HHAT: variants seen among roughly 807,000 people sequenced by gnomAD.
HHAT encodes hedgehog acyltransferase.
HHAT carries 47 observed loss-of-function variants against 70.8 expected under a neutral mutation model. The ratio of observed to expected loss-of-function variants is 0.66; its 90% CI spans 0.53 to 0.85. The LOEUF (loss-of-function observed/expected upper bound fraction) is 0.85, where lower values mean the gene tolerates loss of function less well. Among genes scored for constraint, HHAT ranks in the 40% least tolerant of loss-of-function variants. HHAT has a pLI of 0.00. For missense variants in HHAT, 609 were observed against 604.8 expected (o/e 1.01, Z -0.07); for synonymous variants, 228 against 247.6 (o/e 0.92, Z 0.74).
intron 3 of HHAT, among the ~76,000 whole-genome samples, chr1:210,368,943 T>C (rs1018693547): frequency 2.0e-5 from 3 of 152,064 alleles, no homozygotes; most frequent in Non-Finnish European, 4.4e-5. Flanking sequence ...CTGGATGTGG[T>C]GGCGGGTGCC....
chr1:210,396,168 T>C (rs531022862), intron 4 of HHAT, among the ~76,000 whole-genome samples: 1 of 152,296 alleles, frequency 6.6e-6, no homozygotes, highest in Admixed American at 6.5e-5. Flanking sequence ...ACTTTCTTAT[T>C]TTTCATCAGC....
chr1:210,427,120 A>C (rs905315080), intron 7 of HHAT, among the ~76,000 whole-genome samples: 2 of 151,682 alleles, frequency 1.3e-5, no homozygotes, highest in Admixed American at 6.6e-5. Context: ...TTCTAGTTTG[A>C]CATATTAATA....
At chr1:210,410,511 G>A (rs1027513599) in intron 6 of HHAT, among the ~76,000 whole-genome samples, 3 of 98,544 alleles carry the variant, frequency 3.0e-5, no homozygotes, top group Non-Finnish European at 6.9e-5. Context: ...TTGCTGTGTT[G>A]TTTATTTGTA....
At chr1:210,332,466 C>T (rs2085080471) in intron 1 of HHAT, among the ~76,000 whole-genome samples, 1 of 152,254 alleles carries the variant, frequency 6.6e-6, no homozygotes, top group Non-Finnish European at 1.5e-5. Context: ...ATCCTCTCTA[C>T]CAATTGTGCC....
chr1:210,401,174 G>A (rs1362449392), intron 5 of HHAT, among the ~76,000 whole-genome samples: 1 of 152,180 alleles, frequency 6.6e-6, no homozygotes, highest in Non-Finnish European at 1.5e-5. Context: ...AAGTGCAGTG[G>A]TGCGATCTTG....
chr1:210,607,346 G>A lies in HHAT; in HGVS notation c.1246-16180G>A, dbSNP rs539520842. Among the ~76,000 whole-genome samples the A allele has an allele frequency of 7.5e-5, 11 of 147,634 alleles. 1 individual carries two copies. In the South Asian group the frequency reaches 1.8e-3, roughly 25 times the overall value. On this transcript the variant is annotated intron_variant, in intron 10 of 11. Transcript: ENST00000261458. ...TTCAAATGTTTACTTGCATTTTAATGAGTCTTGTGAAGGCATCAGAGATGT... is the reference window on the plus strand; with the variant it reads ...TTCAAATGTTTACTTGCATTTTAATAAGTCTTGTGAAGGCATCAGAGATGT...
intron 7 of HHAT, among the ~76,000 whole-genome samples, chr1:210,462,020 T>C (rs1022003445): frequency 6.6e-6 from 1 of 152,228 alleles, no homozygotes; most frequent in African/African-American, 2.4e-5. Flanking sequence ...TGTATGAAAG[T>C]ACTAACAAAT....
At chr1:210,368,130 C>T (rs1428151103) in intron 3 of HHAT, among the ~76,000 whole-genome samples, 3 of 152,054 alleles carry the variant, frequency 2.0e-5, no homozygotes. Context: ...AGCATCTGAA[C>T]CAAACTGATA....
intron 9 of HHAT, among the ~76,000 whole-genome samples, chr1:210,572,818 C>A (rs1656666718): frequency 1.3e-5 from 2 of 152,112 alleles, no homozygotes; most frequent in South Asian, 4.1e-4. Context: ...ATCCCTTGAG[C>A]CCAAGAGTTT....
At chr1:210,405,739 G>A (rs2092303948) in intron 6 of HHAT, among the ~76,000 whole-genome samples, 1 of 152,184 alleles carries the variant, frequency 6.6e-6, no homozygotes, top group South Asian at 2.1e-4. Flanking sequence ...AATTTCCAGT[G>A]AAAGTATGTA....
rs1024332808 is a variant in HHAT at position 210,512,201 on chromosome 1, C to T, written c.1008-952C>T. Reference sequence around the variant, plus strand: ...ATGGAGTTGCAGCTCTTCAAATCCCCTGCTCAGGGCAGACCCAGAGATGGG... The same window carrying T: ...ATGGAGTTGCAGCTCTTCAAATCCCTTGCTCAGGGCAGACCCAGAGATGGG... On this transcript the variant is annotated intron_variant, in intron 8 of 11. Coordinates refer to ENST00000261458, the MANE Select transcript of HHAT (RefSeq NM_018194.6). Among the ~76,000 whole-genome samples the T allele has an allele frequency of 1.1e-4, 16 of 152,254 alleles. No individual in the cohort carries two copies. In the Middle Eastern group the frequency reaches 0.01, roughly 97 times the overall value.
At chr1:210,668,107 C>T (rs1327621845) in intron 11 of HHAT, among the ~76,000 whole-genome samples, 4 of 152,134 alleles carry the variant, frequency 2.6e-5, no homozygotes, top group African/African-American at 9.7e-5. Context: ...AATATGATGT[C>T]TTTAGGGTTC....
chr1:210,666,654 T>C (rs979219426), intron 11 of HHAT, among the ~76,000 whole-genome samples: 1 of 152,136 alleles, frequency 6.6e-6, no homozygotes, highest in Non-Finnish European at 1.5e-5. Context: ...CTGCTAATTT[T>C]TGTATTTTTA....
At chr1:210,493,544 T>G (rs542742442) in intron 8 of HHAT, among the ~76,000 whole-genome samples, 6 of 152,200 alleles carry the variant, frequency 3.9e-5, no homozygotes, top group Non-Finnish European at 8.8e-5. Flanking sequence ...CCTGCAACAT[T>G]TATACTGGTG....
chr1:210,579,031 A>G (rs1373717753), intron 9 of HHAT, among the ~76,000 whole-genome samples: 2 of 152,220 alleles, frequency 1.3e-5, no homozygotes, highest in Non-Finnish European at 2.9e-5. Flanking sequence ...GCTGGAGGCC[A>G]TTATCTTTAG....
intron 7 of HHAT, chr1:210,439,751 C>T (rs974769724): frequency 6.6e-6 from 1 of 151,858 alleles, no homozygotes; most frequent in Non-Finnish European, 1.5e-5. Flanking sequence ...AAAGGGTCTT[C>T]AGGTAAGGCC....
intron 7 of HHAT, among the ~76,000 whole-genome samples, chr1:210,435,714 T>C (rs2093359410): frequency 2.0e-5 from 3 of 151,946 alleles, no homozygotes; most frequent in Admixed American, 2.0e-4. Context: ...CTGTAATGAT[T>C]AGTTATGTTG....
At chr1:210,502,792 T>A (rs1243648337) in intron 8 of HHAT, among the ~76,000 whole-genome samples, 1 of 152,220 alleles carries the variant, frequency 6.6e-6, no homozygotes, top group Non-Finnish European at 1.5e-5. Flanking sequence ...ATGTTTAGAA[T>A]TACTTTAACA....
At chr1:210,383,936 T>C (rs2090850547) in intron 3 of HHAT, among the ~76,000 whole-genome samples, 1 of 152,164 alleles carries the variant, frequency 6.6e-6, no homozygotes, top group Admixed American at 6.5e-5. Context: ...ACCCCTCTCA[T>C]TCTGCAGTGG....
Sources: gnomAD v4.1 joint callset for allele counts (sites outside exome capture counted in the v4.1 genomes callset) on GRCh38, gnomAD v4.1.1 for gene constraint, MANE v1.5 for transcripts, NCBI Gene and HGNC (gene_info 2026-07-23, HGNC 2026-07-21) for gene names.